Variants in TOX observed in about 807,000 individuals in gnomAD.
TOX encodes the protein thymocyte selection-associated high mobility group box protein TOX.
A neutral mutation model predicts 53.7 loss-of-function variants in TOX; 11 were observed. That is an observed-to-expected ratio of 0.20 (90% confidence interval 0.13 to 0.34). The LOEUF (loss-of-function observed/expected upper bound fraction) is 0.34, where lower values mean the gene tolerates loss of function less well. Among genes scored for constraint, TOX ranks in the 10% least tolerant of loss-of-function variants. TOX has a pLI of 1.00. For synonymous variants in TOX, 225 were observed against 245.3 expected, an observed-to-expected ratio of 0.92 and a Z score of 0.77; for missense variants, 570 against 664.6, an observed-to-expected ratio of 0.86 and a Z score of 1.56.
At chr8:58,884,924 G>A (rs1342119171) in intron 3 of TOX, among the ~76,000 whole-genome samples, 1 of 152,104 alleles carries the variant, frequency 6.6e-6, no homozygotes, top group African/African-American at 2.4e-5. Flanking sequence ...CTGGAATGAA[G>A]TGATTCAAAG....
intron 5 of TOX, among the ~76,000 whole-genome samples, chr8:58,831,495 G>A (rs142759438): frequency 1.5e-3 from 223 of 152,200 alleles, no homozygotes; most frequent in African/African-American, 5.0e-3. Flanking sequence ...GATAATCCCC[G>A]TTTTGCAGAT....
rs188113666 is a variant in TOX, at chr8:58,933,120, C to T, written c.411+6182G>A. Among the ~76,000 whole-genome samples, 3 of 152,244 alleles carry T rather than the reference C, an allele frequency of 2.0e-5. No individual in the cohort carries two copies. In the East Asian group the frequency reaches 5.8e-4, roughly 29 times the overall value. On this transcript the variant is annotated intron_variant, in intron 3 of 8. Coordinates refer to ENST00000361421, the MANE Select transcript of TOX (RefSeq NM_014729.3). Reference sequence around the variant, plus strand: ...CTCTACAAAAAGCCCAGGTTCTAAACGAATCCTTTCTTTGAGGCCATTCTA... The same window carrying T: ...CTCTACAAAAAGCCCAGGTTCTAAATGAATCCTTTCTTTGAGGCCATTCTA...
intron 3 of TOX, among the ~76,000 whole-genome samples, chr8:58,883,267 G>T (rs552042937): frequency 6.6e-6 from 1 of 152,160 alleles, no homozygotes; most frequent in East Asian, 1.9e-4. Flanking sequence ...TCAGACAGGA[G>T]GTCTTGCCTT....
intron 1 of TOX, among the ~76,000 whole-genome samples, chr8:59,045,960 A>G (rs1256712013): frequency 6.6e-6 from 1 of 152,228 alleles, no homozygotes; most frequent in African/African-American, 2.4e-5. Context: ...AAGTCACTCA[A>G]TGTGTTCTGG....
At position 59,079,585 on chromosome 8, in the gene TOX, G is replaced by C. The variant is rs184768994; in HGVS notation, c.102+39301C>G. Among the ~76,000 whole-genome samples, 5 of 152,336 alleles carry C rather than the reference G, an allele frequency of 3.3e-5. No homozygotes were observed. In the East Asian group the frequency reaches 5.8e-4, roughly 18 times the overall value. Reference sequence around the variant, plus strand: ...GTGGTGTTAAGCCTGTGGGTGCACAGAGTGCAAGAGTGAATGAGGCTTGGT... The same window carrying C: ...GTGGTGTTAAGCCTGTGGGTGCACACAGTGCAAGAGTGAATGAGGCTTGGT... On this transcript the variant is annotated intron_variant, in intron 1 of 8. Transcript: ENST00000361421.
At chr8:58,906,524 T>G (rs1385699933) in intron 3 of TOX, among the ~76,000 whole-genome samples, 4 of 152,222 alleles carry the variant, frequency 2.6e-5, no homozygotes, top group African/African-American at 9.6e-5. Flanking sequence ...CTGATCGCAA[T>G]TACAATCTGT....
chr8:59,097,300 G>C (rs185189437), intron 1 of TOX, among the ~76,000 whole-genome samples: 71 of 152,316 alleles, frequency 4.7e-4, no homozygotes, highest in Middle Eastern at 3.4e-3. Context: ...AGTTTCAGAA[G>C]TGTTGGAGTT....
At chr8:58,887,875 T>C (rs1170715098) in intron 3 of TOX, among the ~76,000 whole-genome samples, 4 of 152,054 alleles carry the variant, frequency 2.6e-5, no homozygotes, top group Admixed American at 6.6e-5. Flanking sequence ...GTTGCACACT[T>C]AGGTGTTGTT....
At chr8:58,977,175 C>T (rs1197524272) in intron 1 of TOX, among the ~76,000 whole-genome samples, 1 of 152,208 alleles carries the variant, frequency 6.6e-6, no homozygotes, top group African/African-American at 2.4e-5. Context: ...TTAGCTAGTT[C>T]TTCTGAATAA....
At chr8:59,006,934 G>C (rs1041922142) in intron 1 of TOX, among the ~76,000 whole-genome samples, 1 of 152,204 alleles carries the variant, frequency 6.6e-6, no homozygotes, top group African/African-American at 2.4e-5. Context: ...AGAATGGAAA[G>C]ATTTCCTTCT....
intron 2 of TOX, among the ~76,000 whole-genome samples, chr8:58,956,654 T>C (rs566871686): frequency 1.4e-3 from 219 of 152,288 alleles, no homozygotes; most frequent in African/African-American, 5.1e-3. Context: ...CAGGCTAAAG[T>C]ACAGTGGTGC....
chr8:58,878,848 G>C (rs992792376), intron 3 of TOX, among the ~76,000 whole-genome samples: 14 of 151,986 alleles, frequency 9.2e-5, no homozygotes, highest in Non-Finnish European at 7.4e-5. Flanking sequence ...ATCACCTGAA[G>C]TCAGGAGTTC....
intron 7 of TOX, among the ~76,000 whole-genome samples, chr8:58,812,433 TAGAGTCCCCTTTCCTG>T (rs1429260734): frequency 6.6e-6 from 1 of 152,118 alleles, no homozygotes; most frequent in Non-Finnish European, 1.5e-5. Flanking sequence ...CTCTCCCAGC[TAGAGTCCCCTTTCCTG>T]GCTGCTGCTG....
chr8:58,828,895 AT>A (rs1810407002), intron 5 of TOX, among the ~76,000 whole-genome samples: 1 of 152,182 alleles, frequency 6.6e-6, no homozygotes, highest in Non-Finnish European at 1.5e-5. Flanking sequence ...TGAAGCAAAC[AT>A]TTAGTCAATA....
chr8:58,850,239 G>A (rs1810787353), intron 4 of TOX, among the ~76,000 whole-genome samples: 1 of 152,188 alleles, frequency 6.6e-6, no homozygotes, highest in Non-Finnish European at 1.5e-5. Context: ...TGGAAATGAT[G>A]ATTGTGAGGA....
chr8:59,044,832 A>G (rs866448554), intron 1 of TOX, among the ~76,000 whole-genome samples: 2 of 152,252 alleles, frequency 1.3e-5, no homozygotes, highest in South Asian at 2.1e-4. Flanking sequence ...TATTATAAAC[A>G]ACTCCTTATC....
chr8:58,930,634 G>T (rs1468786862), intron 3 of TOX, among the ~76,000 whole-genome samples: 3 of 152,170 alleles, frequency 2.0e-5, no homozygotes, highest in Admixed American at 6.5e-5. Context: ...CTCAGTTCTA[G>T]AAGAAGCACT....
At chr8:58,984,882 G>A (rs568263071) in intron 1 of TOX, among the ~76,000 whole-genome samples, 1 of 151,182 alleles carries the variant, frequency 6.6e-6, no homozygotes, top group African/African-American at 2.4e-5. Flanking sequence ...CATGTAAGAT[G>A]GTGCAACTGG....
intron 1 of TOX, among the ~76,000 whole-genome samples, chr8:59,041,120 AAAACATT>A (rs1803581225): frequency 6.7e-6 from 1 of 148,560 alleles, no homozygotes; most frequent in Admixed American, 6.7e-5. Context: ...GTACATGTGT[AAAACATT>A]AAAGGAGCTG....
Sources: gnomAD v4.1 joint callset for allele counts (sites outside exome capture counted in the v4.1 genomes callset) on GRCh38, gnomAD v4.1.1 for gene constraint, MANE v1.5 for transcripts, NCBI Gene and HGNC (gene_info 2026-07-23, HGNC 2026-07-21) for gene names.